Variants in GNL3 observed in about 807,000 individuals in gnomAD.
GNL3 encodes the protein G protein nucleolar 3.
In GNL3, 77 loss-of-function variants were observed where a neutral mutation model predicts 70.6. That is an observed-to-expected ratio of 1.09 (90% CI 0.91 to 1.32). The LOEUF is 1.32. Among genes scored for constraint, GNL3 ranks in the 40% most tolerant of loss-of-function variants. The pLI is 0.00. For synonymous variants in GNL3, 252 were observed against 216.1 expected (o/e 1.17, Z -1.46); for missense variants, 634 against 644.0 (o/e 0.98, Z 0.17).
rs377607492 is a variant in GNL3, at chr3:52,693,459, A to G, written c.1239A>G (p.Pro413=). 28 of 1,614,018 alleles carry G rather than the reference A, an allele frequency of 1.7e-5. No individual in the cohort carries two copies. In the African/African-American group the frequency reaches 2.8e-4, roughly 16 times the overall value. Reference sequence around the variant, plus strand: ...CCCCTACATCTTGGACTCCTCCTCCATATTTTAATGAGAGTATTGTGGTAG... The same window carrying G: ...CCCCTACATCTTGGACTCCTCCTCCGTATTTTAATGAGAGTATTGTGGTAG... ...CHPPTSWTPP[P]YFNESIVVDM... Residue 413 remains proline (P), a synonymous_variant, in exon 12 of 15, where the codon CCA becomes CCG. Coordinates refer to ENST00000418458, the MANE Select transcript of GNL3 (RefSeq NM_014366.5).
intron 5 of GNL3, 188 bp from the exon 6 acceptor site, chr3:52,688,884 CTG>C: frequency 1.7e-6 from 1 of 603,388 alleles, no homozygotes; most frequent in Non-Finnish European, 3.0e-6. Context: ...TTTTACTTTC[CTG>C]TGTGAGAAAT....
rs569522359 is a variant in GNL3 at position 52,693,318 on chromosome 3, T to C, written c.1176T>C (p.Ser392=). ...AAGGTGCTGCCAAACTGCTGTGGTCTGAGTGGACAGGGTAAGCTTTCTTTT... is the reference window on the plus strand; with the variant it reads ...AAGGTGCTGCCAAACTGCTGTGGTCCGAGTGGACAGGGTAAGCTTTCTTTT... ...NVEGAAKLLW[S]EWTGASLAYY... Residue 392 remains serine (S), a synonymous_variant, in exon 11 of 15, where the codon TCT becomes TCC. Transcript: ENST00000418458. 1.2e-6 allele frequency: 2 copies of C among 1,614,130 alleles called. No homozygotes were observed. The highest frequency in any genetic ancestry group is 4.5e-5 in the East Asian group (2 of 44,894).
At chr3:52,691,702 AT>A (rs34449110) in intron 9 of GNL3, 73 bp downstream of exon 9, 54,568 of 549,016 alleles carry the variant, frequency 0.099, 156 homozygotes, top group African/African-American at 0.13. Flanking sequence ...AAGGAAGGTG[AT>A]TTTTTTTTTT....
chr3:52,686,500 G>A (rs560170595), intron 1 of GNL3: 123 of 572,564 alleles, frequency 2.1e-4, no homozygotes, highest in African/African-American at 1.9e-3. Context: ...GACACGAAGT[G>A]GTTGTCGTTT....
chr3:52,691,457 A>T, intron 8 of GNL3, 85 bp from the exon 9 acceptor site: 1 of 810,852 alleles, frequency 1.2e-6, no homozygotes, highest in South Asian at 1.4e-5. Context: ...CCTAAACATC[A>T]GGGAAATGGA....
intron 9 of GNL3, among the ~76,000 whole-genome samples, chr3:52,691,953 G>A (rs1449298635): frequency 3.3e-5 from 5 of 152,056 alleles, no homozygotes; most frequent in Non-Finnish European, 7.4e-5. Context: ...TGCCCGCCTC[G>A]GCCTCCCAAA....
At position 52,693,036 on chromosome 3, in the gene GNL3, A is replaced by G. The variant is rs758105227; in HGVS notation, c.1034A>G (p.Asp345Gly). 1.9e-6 allele frequency: 3 copies of G among 1,614,184 alleles called. No homozygotes were observed. The highest frequency in any genetic ancestry group is 1.1e-5 in the South Asian group (1 of 91,090). The change falls in exon 10 of 15, where the codon GAT becomes GGT. Residue 345 changes from aspartate to glycine, a missense_variant. Transcript: ENST00000418458. ...GCCAGTGCCATCCTTTCCCAGGCTGATGCTCGACAGGTAAAAGGACCCCTT... is the reference window on the plus strand; with the variant it reads ...GCCAGTGCCATCCTTTCCCAGGCTGGTGCTCGACAGGTAAAAGGACCCCTT... ...EAASAILSQA[D>G]ARQVVLKYTV...
At chr3:52,688,886 G>A in intron 5 of GNL3, 188 bp from the exon 6 acceptor site, 1 of 606,462 alleles carries the variant, frequency 1.6e-6, no homozygotes. Flanking sequence ...TTACTTTCCT[G>A]TGTGAGAAAT....
At chr3:52,689,838 G>C (rs1254919484) in intron 6 of GNL3, among the ~76,000 whole-genome samples, 4 of 152,276 alleles carry the variant, frequency 2.6e-5, no homozygotes, top group Middle Eastern at 3.4e-3. Context: ...TGTAGTCCCA[G>C]CTACTCGGAA....
chr3:52,694,471 T>TA lies in GNL3; in HGVS notation c.*203dup, dbSNP rs2097330774. 7 of 579,142 alleles carry TA rather than the reference T, an allele frequency of 1.2e-5. No homozygotes were observed. Among genetic ancestry groups the TA allele is most frequent in the South Asian group, 2.3e-5 (1 of 44,010 alleles). The allele number at this position is 579,142 out of a possible 1,614,324, so 35.9% of individuals were successfully genotyped here. ...TGTGAGTGGAAGTAGTTATCTGGAA[T>TA]AAAAAAAGAAGATACCTATTGAAAA... On this transcript the variant is annotated 3_prime_UTR_variant, in exon 15 of 15. Transcript: ENST00000418458.
rs1274695128 is a variant in GNL3 at position 52,693,275 on chromosome 3, G to A, written c.1133G>A (p.Gly378Asp). The A allele has an allele frequency of 3.7e-6, 6 of 1,614,014 alleles. No homozygotes were observed. Among genetic ancestry groups the A allele is most frequent in the Non-Finnish European group, 5.1e-6 (6 of 1,180,018 alleles). Residue 378 changes from glycine (G) to aspartate (D), a missense_variant, in exon 11 of 15, where the codon GGT (glycine) becomes GAT (aspartate). Transcript: ENST00000418458. Reference sequence around the variant, plus strand: ...CAGAGAAGAGGTATGCACCAAAAAGGTGGAATCCCAAATGTTGAAGGTGCT... The same window carrying A: ...CAGAGAAGAGGTATGCACCAAAAAGATGGAATCCCAAATGTTGAAGGTGCT... ...LAQRRGMHQK[G>D]GIPNVEGAAK... is the part of the protein sequence containing the mutation.
intron 8 of GNL3, 52 bp downstream of exon 8, chr3:52,691,123 A>G: frequency 6.5e-7 from 1 of 1,535,440 alleles, no homozygotes; most frequent in South Asian, 1.1e-5. Context: ...ATAGTTAAGA[A>G]GTTTAGCCAG....
At position 52,690,871 on chromosome 3, in the gene GNL3, G is replaced by C. The variant is rs1211704803; in HGVS notation, c.655-74G>C. ...TAGTTATCTTAAGAGCTGGGCTCTGGAGCCTGATTGCTTGGGGTTTGTTGA... is the reference window on the plus strand; with the variant it reads ...TAGTTATCTTAAGAGCTGGGCTCTGCAGCCTGATTGCTTGGGGTTTGTTGA... On this transcript the variant is annotated intron_variant, in intron 7 of 14. Transcript: ENST00000418458. 1.4e-5 allele frequency: 21 copies of C among 1,470,556 alleles called. No individual in the cohort carries two copies. In the Admixed American group the frequency reaches 2.0e-4, roughly 14 times the overall value. The allele number at this position is 1,470,556 out of a possible 1,614,324, so 91.1% of individuals were successfully genotyped here.
At chr3:52,692,477 G>A (rs1238545999) in intron 9 of GNL3, among the ~76,000 whole-genome samples, 2 of 150,664 alleles carry the variant, frequency 1.3e-5, no homozygotes, top group South Asian at 2.1e-4. Flanking sequence ...AAAGGCACCC[G>A]GCTAATTTTT....
chr3:52,691,118 T>G (rs755579988), intron 8 of GNL3, 47 bp downstream of exon 8: 8 of 1,563,152 alleles, frequency 5.1e-6, no homozygotes, highest in South Asian at 1.1e-5. Context: ...TTGAAATAGT[T>G]AAGAAGTTTA....
At chr3:52,692,722 TAC>T (rs776227080) in intron 9 of GNL3, 148 bp from the exon 10 acceptor site, 23 of 769,862 alleles carry the variant, frequency 3.0e-5, no homozygotes, top group African/African-American at 6.8e-5. Flanking sequence ...GGTATGCTGT[TAC>T]AGTTTTAGAT....
In GNL3 at chr3:52,691,088, T is replaced by G; in HGVS notation, c.781+17T>G. On this transcript the variant is annotated intron_variant, in intron 8 of 14. Transcript: ENST00000418458. Reference sequence around the variant, plus strand: ...GAGTAATTGGTGAGTTTCAGTTCATTACTTTTTACTTTTTAAGTGTTGAAA... The same window carrying G: ...GAGTAATTGGTGAGTTTCAGTTCATGACTTTTTACTTTTTAAGTGTTGAAA... 6.2e-7 allele frequency: 1 copy of G among 1,609,140 alleles called. No homozygotes were observed. Among genetic ancestry groups the G allele is most frequent in the Non-Finnish European group, 8.5e-7 (1 of 1,175,720 alleles).
At chr3:52,688,301 TG>T (rs2097324183) in intron 5 of GNL3, 109 bp downstream of exon 5, 1 of 670,376 alleles carries the variant, frequency 1.5e-6, no homozygotes, top group Non-Finnish European at 2.7e-6. Flanking sequence ...GTTTGTTATA[TG>T]GGTAAACTTG....
chr3:52,689,379 G>A, intron 6 of GNL3, 173 bp downstream of exon 6: 1 of 738,354 alleles, frequency 1.4e-6, no homozygotes, highest in South Asian at 1.4e-5. Context: ...TTTTACAACT[G>A]ACTCAACTGG....
Sources: gnomAD v4.1 joint callset for allele counts (sites outside exome capture counted in the v4.1 genomes callset) on GRCh38, gnomAD v4.1.1 for gene constraint, MANE v1.5 for transcripts, NCBI Gene and HGNC (gene_info 2026-07-23, HGNC 2026-07-21) for gene names.